ERBB4: variants seen among roughly 807,000 people sequenced by gnomAD.
The protein encoded by ERBB4 is erb-b2 receptor tyrosine kinase 4.
A neutral mutation model predicts 158.0 loss-of-function variants in ERBB4; 42 were observed. The observed-to-expected ratio is 0.27, with a 90% CI of 0.21 to 0.34. The LOEUF is 0.34. Ranked by LOEUF, ERBB4 falls within the 10% of genes least tolerant of loss-of-function variation. The pLI, the probability that ERBB4 is intolerant of heterozygous loss-of-function variation, is 1.00. For synonymous variants in ERBB4, 583 were observed against 558.7 expected (o/e 1.04, Z -0.61); for missense variants, 1,333 against 1,624.1 (o/e 0.82, Z 3.08).
Position 212,506,102 on chromosome 2 carries a change from TA to T in ERBB4, c.82+32346del, listed in dbSNP as rs1367187415. ...GAAATTCTCACAATATTTCAAACTT[TA>T]TTATTATATCTATTATGGTGATCTG... On this transcript the variant is annotated intron_variant, in intron 1 of 27. Transcript: ENST00000342788. 1.3e-5 allele frequency among the ~76,000 whole-genome samples: 2 copies of T among 148,784 alleles called. 1 individual carries two copies. The highest frequency in any genetic ancestry group is 3.0e-5 in the Non-Finnish European group (2 of 66,006).
chr2:212,429,669 C>T (rs2091984116), intron 1 of ERBB4, among the ~76,000 whole-genome samples: 1 of 152,040 alleles, frequency 6.6e-6, no homozygotes, highest in Admixed American at 6.6e-5. Flanking sequence ...GAAACTGAGG[C>T]ACAGAGAGGT....
chr2:211,785,989 C>CA (rs1192226102), intron 4 of ERBB4, among the ~76,000 whole-genome samples: 1 of 151,880 alleles, frequency 6.6e-6, no homozygotes, highest in Admixed American at 6.6e-5. Context: ...TCCATTGCCT[C>CA]AAAAAATATT....
chr2:212,085,019 G>C (rs367871295), intron 2 of ERBB4, among the ~76,000 whole-genome samples: 2 of 151,898 alleles, frequency 1.3e-5, no homozygotes, highest in South Asian at 2.1e-4. Context: ...CAGGTCAGTA[G>C]ATTGTAATGC....
At chr2:212,184,724 TAATA>T (rs1237098825) in intron 1 of ERBB4, among the ~76,000 whole-genome samples, 3 of 152,190 alleles carry the variant, frequency 2.0e-5, no homozygotes, top group African/African-American at 7.2e-5. Context: ...TTGGAAATAA[TAATA>T]AAAATGTAGC....
intron 1 of ERBB4, among the ~76,000 whole-genome samples, chr2:212,153,328 G>A (rs997308737): frequency 3.9e-5 from 6 of 152,120 alleles, no homozygotes; most frequent in African/African-American, 1.4e-4. Context: ...TTCACAAAGT[G>A]AGTAAGAACA....
chr2:211,721,092 G>T (rs570952119), intron 7 of ERBB4, among the ~76,000 whole-genome samples: 1 of 152,232 alleles, frequency 6.6e-6, no homozygotes, highest in South Asian at 2.1e-4. Context: ...GTCGAAAGGG[G>T]CTGAGAGTGT....
At chr2:211,465,997 C>T (rs548834462) in intron 20 of ERBB4, among the ~76,000 whole-genome samples, 4 of 152,018 alleles carry the variant, frequency 2.6e-5, no homozygotes, top group Non-Finnish European at 5.9e-5. Context: ...TGTCATTCCT[C>T]CTTTGTGTTA....
intron 1 of ERBB4, among the ~76,000 whole-genome samples, chr2:212,329,485 G>T (rs2088025704): frequency 1.3e-5 from 2 of 152,028 alleles, no homozygotes; most frequent in South Asian, 4.1e-4. Flanking sequence ...TTTAAAGAAA[G>T]ATTTCTGTTC....
intron 2 of ERBB4, among the ~76,000 whole-genome samples, chr2:211,982,320 G>C (rs2081823151): frequency 6.6e-6 from 1 of 152,136 alleles, no homozygotes; most frequent in South Asian, 2.1e-4. Flanking sequence ...GAAGTTCTAA[G>C]TGAGTCAGTG....
At chr2:212,000,105 A>G (rs58758358) in intron 2 of ERBB4, among the ~76,000 whole-genome samples, 2 of 151,926 alleles carry the variant, frequency 1.3e-5, no homozygotes, top group East Asian at 3.9e-4. Context: ...TGTAAAATTA[A>G]TAAAGGTATT....
chr2:211,521,110 T>C (rs1269127424), intron 20 of ERBB4, among the ~76,000 whole-genome samples: 7 of 152,116 alleles, frequency 4.6e-5, no homozygotes, highest in African/African-American at 1.7e-4. Context: ...GTCTCTCATT[T>C]TAAATCAAAA....
At chr2:211,416,056 G>A (rs569942607) in intron 25 of ERBB4, among the ~76,000 whole-genome samples, 3 of 152,256 alleles carry the variant, frequency 2.0e-5, no homozygotes, top group Admixed American at 6.5e-5. Context: ...TAGCTGATAT[G>A]TTTTGACAGA....
At chr2:211,866,293 T>C (rs368487026) in intron 3 of ERBB4, among the ~76,000 whole-genome samples, 217 of 152,264 alleles carry the variant, frequency 1.4e-3, no homozygotes, top group Middle Eastern at 3.4e-3. Flanking sequence ...TATGATCTTG[T>C]CTCTGGGTTC....
At chr2:211,515,865 G>A (rs1361234802) in intron 20 of ERBB4, among the ~76,000 whole-genome samples, 2 of 141,304 alleles carry the variant, frequency 1.4e-5, no homozygotes, top group African/African-American at 5.3e-5. Context: ...TTGAGGTAGT[G>A]ACTGTTTAGT....
At chr2:211,904,059 G>A (rs2079309522) in intron 3 of ERBB4, among the ~76,000 whole-genome samples, 3 of 152,030 alleles carry the variant, frequency 2.0e-5, no homozygotes, top group African/African-American at 4.8e-5. Flanking sequence ...AAAGATAAAG[G>A]AACATCAGGG....
chr2:212,436,714 T>C (rs2092144042), intron 1 of ERBB4, among the ~76,000 whole-genome samples: 1 of 152,036 alleles, frequency 6.6e-6, no homozygotes, highest in Non-Finnish European at 1.5e-5. Context: ...GTTGACAAAA[T>C]AAAACTCAAA....
At chr2:212,480,287 A>G (rs1306934173) in intron 1 of ERBB4, among the ~76,000 whole-genome samples, 1 of 152,174 alleles carries the variant, frequency 6.6e-6, no homozygotes, top group Non-Finnish European at 1.5e-5. Flanking sequence ...AGTACACTTT[A>G]CTGGAAAGAA....
At chr2:211,427,329 C>T (rs1013111641) in intron 22 of ERBB4, among the ~76,000 whole-genome samples, 6 of 151,864 alleles carry the variant, frequency 4.0e-5, no homozygotes, top group African/African-American at 1.5e-4. Context: ...TTTAAGTGGG[C>T]ATTATGCTTT....
chr2:212,125,534 C>T (rs1196605945), intron 1 of ERBB4, among the ~76,000 whole-genome samples: 2 of 152,094 alleles, frequency 1.3e-5, no homozygotes, highest in South Asian at 4.1e-4. Flanking sequence ...AAGCCTAGAA[C>T]CCATTAGTTA....
Sources: gnomAD v4.1 joint callset for allele counts (sites outside exome capture counted in the v4.1 genomes callset) on GRCh38, gnomAD v4.1.1 for gene constraint, MANE v1.5 for transcripts, NCBI Gene and HGNC (gene_info 2026-07-23, HGNC 2026-07-21) for gene names.